The following MRPL44 variants were observed in gnomAD, a reference collection of about 807,000 sequenced individuals.
The protein encoded by MRPL44 is mitochondrial ribosomal protein L44.
A neutral mutation model predicts 25.9 loss-of-function variants in MRPL44; 21 were observed. The ratio of observed to expected loss-of-function variants is 0.81; its 90% CI spans 0.58 to 1.17. The LOEUF is 1.17. Among genes scored for constraint, MRPL44 ranks in the 50% most tolerant of loss-of-function variants. MRPL44 has a pLI of 0.00. For missense variants in MRPL44, 410 were observed against 398.9 expected (o/e 1.03, Z -0.24); for synonymous variants, 169 against 151.0 (o/e 1.12, Z -0.87).
intron 3 of MRPL44, among the ~76,000 whole-genome samples, chr2:223,964,760 G>C (rs2106119448): frequency 6.6e-6 from 1 of 152,134 alleles, no homozygotes; most frequent in South Asian, 2.1e-4. Context: ...TATGTTCTTT[G>C]ATTTTGGTAT....
At chr2:223,963,478 T>G (rs1043449947) in intron 2 of MRPL44, among the ~76,000 whole-genome samples, 2 of 152,132 alleles carry the variant, frequency 1.3e-5, no homozygotes, top group African/African-American at 2.4e-5. Context: ...GATTCTACCT[T>G]CTGTGGAATT....
chr2:223,962,147 A>G (rs1229612630), intron 2 of MRPL44, among the ~76,000 whole-genome samples: 1 of 151,976 alleles, frequency 6.6e-6, no homozygotes, highest in Non-Finnish European at 1.5e-5. Flanking sequence ...ATCCTCCTAT[A>G]TTAGCCTCCC....
In MRPL44 at chr2:223,957,510, A is replaced by G. The variant is rs534596036; in HGVS notation, c.38A>G (p.His13Arg). Reference protein sequence around the residue: ...SGLVRLLQQGHRCLLAPVAPK... With the variant: ...SGLVRLLQQGRRCLLAPVAPK... Reference sequence around the variant, plus strand: ...CTGGTAAGATTGCTGCAGCAGGGACATCGCTGCCTCCTGGCTCCAGTCGCC... The same window carrying G: ...CTGGTAAGATTGCTGCAGCAGGGACGTCGCTGCCTCCTGGCTCCAGTCGCC... The change falls in exon 1 of 4, where the codon CAT becomes CGT. Residue 13 changes from histidine (H) to arginine (R), a missense_variant. His to Arg is a conservative substitution (Grantham distance 29). Coordinates refer to ENST00000258383, the MANE Select transcript of MRPL44 (RefSeq NM_022915.5). 3.9e-5 allele frequency: 63 copies of G among 1,614,158 alleles called. No homozygotes were observed. In the Admixed American group the frequency reaches 1.0e-3, roughly 26 times the overall value.
In MRPL44 at chr2:223,957,581, G is replaced by T. The variant is rs143105143; in HGVS notation, c.109G>T (p.Ala37Ser). ...PVRGVKKGFR[A>S]AFRFQKELER... ...TCGGGGAGTGAAGAAGGGATTCCGC[G>T]CCGCCTTCCGCTTCCAGAAGGAGTT... Residue 37 changes from alanine (A) to serine (S), a missense_variant, in exon 1 of 4, where the codon GCC becomes TCC. Coordinates refer to ENST00000258383, the MANE Select transcript of MRPL44 (RefSeq NM_022915.5). 149 of 1,613,642 alleles carry T rather than the reference G, an allele frequency of 9.2e-5. No individual in the cohort carries two copies. In the African/African-American group the frequency reaches 1.7e-3, roughly 19 times the overall value.
At chr2:223,955,577 A>G (rs1689552896), upstream of MRPL44, among the ~76,000 whole-genome samples, 1 of 152,206 alleles carries the variant, frequency 6.6e-6, no homozygotes, top group Non-Finnish European at 1.5e-5. Flanking sequence ...CCTGGCATCA[A>G]AACACAAAAG....
intron 3 of MRPL44, 53 bp from the exon 4 acceptor site, chr2:223,966,810 A>G: frequency 6.6e-7 from 1 of 1,511,808 alleles, no homozygotes. Context: ...TGCTTTGTGT[A>G]CTGTCTTACA....
chr2:223,952,841 A>G (rs1689511230), upstream of MRPL44, among the ~76,000 whole-genome samples: 1 of 152,148 alleles, frequency 6.6e-6, no homozygotes, highest in African/African-American at 2.4e-5. Context: ...TTATCTGACC[A>G]TGTGGCAGTC....
intron 2 of MRPL44, 102 bp from the exon 3 acceptor site, chr2:223,963,654 C>T (rs1420636379): frequency 4.4e-6 from 3 of 678,884 alleles, no homozygotes; most frequent in Non-Finnish European, 6.4e-6. Context: ...TAAAAATGTA[C>T]TCTGTGGCTT....
intron 1 of MRPL44, among the ~76,000 whole-genome samples, chr2:223,958,624 G>C (rs1488085646): frequency 3.9e-5 from 6 of 152,106 alleles, no homozygotes; most frequent in Admixed American, 3.9e-4. Context: ...TTCATACTTT[G>C]CTTCCCTTTG....
chr2:223,959,858 C>G lies in MRPL44; in HGVS notation c.504C>G (p.His168Gln), dbSNP rs752403398. The G allele has an allele frequency of 2.5e-6, 4 of 1,614,152 alleles. No homozygotes were observed. The highest frequency in any genetic ancestry group is 3.4e-6 in the Non-Finnish European group (4 of 1,180,040). Residue 168 changes from histidine to glutamine, a missense_variant, in exon 2 of 4, where the codon CAC becomes CAG. By Grantham distance (24) the His-to-Gln change is conservative. Transcript: ENST00000258383. The part of the protein sequence containing the change: ...DFLTGEEVVC[H>Q]VARNLAVEQL... ...TCACTGGTGAGGAAGTCGTGTGTCA[C>G]GTGGCTAGAAACTTGGCTGTGGAGC...
intron 2 of MRPL44, among the ~76,000 whole-genome samples, chr2:223,960,794 A>G (rs1689647397): frequency 6.6e-6 from 1 of 152,246 alleles, no homozygotes; most frequent in South Asian, 2.1e-4. Flanking sequence ...AAATTCTGAC[A>G]AAGTCCTTTT....
At chr2:223,952,738 A>C (rs1302997261), upstream of MRPL44, among the ~76,000 whole-genome samples, 1 of 152,192 alleles carries the variant, frequency 6.6e-6, no homozygotes, top group Non-Finnish European at 1.5e-5. Flanking sequence ...ATCCAACCAC[A>C]GGCAGCCCTA....
At position 223,967,023 on chromosome 2, in the gene MRPL44, A is replaced by G; in HGVS notation, c.988A>G (p.Thr330Ala). The change falls in exon 4 of 4, where the codon ACT becomes GCT. Residue 330 changes from threonine (T) to alanine (A), a missense_variant. Thr to Ala is a moderately conservative substitution (Grantham distance 58, BLOSUM62 0). Coordinates refer to ENST00000258383, the MANE Select transcript of MRPL44 (RefSeq NM_022915.5). Reference protein sequence around the residue: ...KETLRAEKSITAS With the variant: ...KETLRAEKSIAAS Reference sequence around the variant, plus strand: ...AACCTTGAGAGCAGAAAAGAGCATCACTGCCAGCTAGCCGCCATGGATGCA... The same window carrying G: ...AACCTTGAGAGCAGAAAAGAGCATCGCTGCCAGCTAGCCGCCATGGATGCA... The G allele has an allele frequency of 6.2e-7, 1 of 1,609,992 alleles. No homozygotes were observed.
intron 1 of MRPL44, among the ~76,000 whole-genome samples, chr2:223,958,311 C>T (rs760124129): frequency 1.3e-5 from 2 of 152,042 alleles, no homozygotes; most frequent in African/African-American, 2.4e-5. Flanking sequence ...CATATTATTG[C>T]CATTAAAACC....
rs373822930 is a variant in MRPL44, at chr2:223,959,640, T to C, written c.286T>C (p.Cys96Arg). ...TCTCAAAACTGCATTTGTTAATAGC[T>C]GCTATATTAAAAGTGAGGAGGCCAA... ...DLLKTAFVNS[C>R]YIKSEEAKRQ... The change falls in exon 2 of 4, where the codon TGC (cysteine) becomes CGC (arginine). Residue 96 changes from cysteine to arginine, a missense_variant. Transcript: ENST00000258383. 1 of 1,614,068 alleles carries C rather than the reference T, an allele frequency of 6.2e-7. No individual in the cohort carries two copies. Among genetic ancestry groups the C allele is most frequent in the African/African-American group, 1.3e-5 (1 of 74,938 alleles).
At chr2:223,952,986 C>T (rs1274401655), upstream of MRPL44, among the ~76,000 whole-genome samples, 1 of 152,092 alleles carries the variant, frequency 6.6e-6, no homozygotes, top group Admixed American at 6.5e-5. Flanking sequence ...ACATAACTTA[C>T]TGAGAATATG....
chr2:223,950,921 A>G, the MRPL44 span, among the ~76,000 whole-genome samples: 1 of 152,358 alleles, frequency 6.6e-6, no homozygotes, highest in East Asian at 1.9e-4. Flanking sequence ...GAAGTCCAAG[A>G]GGAAGTATGT....
upstream of MRPL44, among the ~76,000 whole-genome samples, chr2:223,954,449 G>A (rs544861597): frequency 1.5e-4 from 23 of 152,344 alleles, no homozygotes; most frequent in South Asian, 4.8e-3. Context: ...GAGTTTGGGA[G>A]CAGTTTAGCT....
intron 3 of MRPL44, among the ~76,000 whole-genome samples, chr2:223,965,447 C>T (rs370144374): frequency 5.9e-5 from 9 of 152,206 alleles, no homozygotes; most frequent in African/African-American, 1.9e-4. Context: ...ATGCAGTTGC[C>T]GATTGAATCT....
Sources: gnomAD v4.1 joint callset for allele counts (sites outside exome capture counted in the v4.1 genomes callset) on GRCh38, gnomAD v4.1.1 for gene constraint, MANE v1.5 for transcripts, NCBI Gene and HGNC (gene_info 2026-07-23, HGNC 2026-07-21) for gene names.